The following KIAA1191 variants were observed in gnomAD, a reference collection of about 807,000 sequenced individuals.
KIAA1191 encodes the protein KIAA1191.
In KIAA1191, 22 loss-of-function variants were observed where a neutral mutation model predicts 31.1. The observed-to-expected ratio is 0.71, with a 90% CI of 0.51 to 1.01. KIAA1191 has a LOEUF of 1.01. Among genes scored for constraint, KIAA1191 ranks in the 50% least tolerant of loss-of-function variants. KIAA1191 has a pLI of 0.00. For missense variants in KIAA1191, 319 were observed against 388.0 expected, an observed-to-expected ratio of 0.82 and a Z score of 1.49; for synonymous variants, 130 against 143.9, an observed-to-expected ratio of 0.90 and a Z score of 0.69.
At position 176,359,550 on chromosome 5, in the gene KIAA1191, G is replaced by T. The variant is rs779266262; in HGVS notation, c.-42C>A. On this transcript the variant is annotated 5_prime_UTR_variant, in exon 3 of 9. Transcript: ENST00000298569. ...AGGTGCTTTTTCTATACAGAATTCC[G>T]AGCTGAGTCCCTGCCACCTAATAAA... 9 of 1,521,310 alleles carry T rather than the reference G, an allele frequency of 5.9e-6. No individual in the cohort carries two copies. In the South Asian group the frequency reaches 1.0e-4, roughly 17 times the overall value. The allele number at this position is 1,521,310 out of a possible 1,614,324, so 94.2% of individuals were successfully genotyped here. A position where few individuals can be genotyped will look rare whatever the true frequency, so the allele number is the denominator to read the frequency against.
Position 176,346,369 on chromosome 5 carries a change from T to C in KIAA1191, c.*1231A>G, listed in dbSNP as rs1422635588. 1 of 152,232 alleles carries C rather than the reference T, an allele frequency of 6.6e-6. No homozygotes were observed. Among genetic ancestry groups the C allele is most frequent in the African/African-American group, 2.4e-5 (1 of 41,472 alleles). The allele number at this position is 152,232 out of a possible 1,614,324, so 9.4% of individuals were successfully genotyped here. ...AAAAATGCTTTCATACAGAAAATTT[T>C]GAATTGAGTGACCTCCCCGCACAGG... On this transcript the variant is annotated 3_prime_UTR_variant, in exon 9 of 9. Transcript: ENST00000298569.
At chr5:176,349,422 G>A (rs1223743043) in intron 6 of KIAA1191, among the ~76,000 whole-genome samples, 1 of 152,206 alleles carries the variant, frequency 6.6e-6, no homozygotes, top group Admixed American at 6.5e-5. Context: ...GCTCATACAT[G>A]TAATCCCAGC....
At chr5:176,350,503 G>T in intron 6 of KIAA1191, 110 bp downstream of exon 6, 1 of 1,368,966 alleles carries the variant, frequency 7.3e-7, no homozygotes. Flanking sequence ...TCGGGAGCGA[G>T]ACTAACTCCA....
intron 3 of KIAA1191, among the ~76,000 whole-genome samples, chr5:176,358,010 C>A (rs76613907): frequency 2.0e-5 from 3 of 152,084 alleles, no homozygotes; most frequent in Non-Finnish European, 4.4e-5. Flanking sequence ...TAGGAACCAT[C>A]ATCTTTCTTC....
chr5:176,353,031 C>T (rs992660110), intron 4 of KIAA1191, among the ~76,000 whole-genome samples: 3 of 152,204 alleles, frequency 2.0e-5, no homozygotes, highest in Non-Finnish European at 4.4e-5. Flanking sequence ...TTCCGATATA[C>T]TATAGTACTA....
Position 176,347,627 on chromosome 5 carries a change from C to T in KIAA1191, c.891G>A (p.Leu297=). Residue 297 remains leucine (L), a synonymous_variant, in exon 9 of 9, where the codon CTG becomes CTA. Transcript: ENST00000298569. ...AGAAGCCAGTGGGTGTGAGCACATTCAGGTCACGGGGTTTGAGGTTATGGG... is the reference window on the plus strand; with the variant it reads ...AGAAGCCAGTGGGTGTGAGCACATTTAGGTCACGGGGTTTGAGGTTATGGG... ...PRAHNLKPRD[L]NVLTPTGF is the part of the protein sequence containing the mutation. The T allele has an allele frequency of 6.6e-7, 1 of 1,525,190 alleles. No homozygotes were observed. The highest frequency in any genetic ancestry group is 8.8e-7 in the Non-Finnish European group (1 of 1,138,232). The allele number at this position is 1,525,190 out of a possible 1,614,324, so 94.5% of individuals were successfully genotyped here.
Position 176,352,605 on chromosome 5 carries a change from G to C in KIAA1191, c.334+17C>G, listed in dbSNP as rs201888454. 1.5e-4 allele frequency: 245 copies of C among 1,612,008 alleles called. 2 individuals are homozygous for C. In the South Asian group the frequency reaches 2.3e-3, roughly 15 times the overall value. On this transcript the variant is annotated intron_variant, in intron 5 of 8. Transcript: ENST00000298569. ...CTGCCCCTATGGCACTCTACTCTGAGGGTGAAGAGTGCTTACTTGTGATCA... is the reference window on the plus strand; with the variant it reads ...CTGCCCCTATGGCACTCTACTCTGACGGTGAAGAGTGCTTACTTGTGATCA...
chr5:176,359,782 T>C, intron 2 of KIAA1191, 29 bp downstream of exon 2: 2 of 375,162 alleles, frequency 5.3e-6, no homozygotes, highest in Non-Finnish European at 1.0e-5. Context: ...AGAGCTAAGA[T>C]GCCATACATG....
chr5:176,358,813 G>C (rs555886572), intron 3 of KIAA1191, among the ~76,000 whole-genome samples: 2 of 152,184 alleles, frequency 1.3e-5, no homozygotes, highest in African/African-American at 4.8e-5. Context: ...CGCCGGGCAC[G>C]GTGGCTCACG....
rs1766922291 is a variant in KIAA1191 at position 176,350,714 on chromosome 5, G to A, written c.358C>T (p.His120Tyr). The A allele has an allele frequency of 6.2e-7, 1 of 1,614,046 alleles. No homozygotes were observed. Among genetic ancestry groups the A allele is most frequent in the Admixed American group, 1.7e-5 (1 of 59,994 alleles). ...ITKQTQESIQ[H>Y]FERQAGLRDA... ...CTCAGCCCTGCCTGTCGCTCAAAATGCTGAATGCTTTCCTGGGTCTGTTCT... is the reference window on the plus strand; with the variant it reads ...CTCAGCCCTGCCTGTCGCTCAAAATACTGAATGCTTTCCTGGGTCTGTTCT... Residue 120 changes from histidine (H) to tyrosine (Y), a missense_variant, in exon 6 of 9, where the codon CAT becomes TAT. Coordinates refer to ENST00000298569, the MANE Select transcript of KIAA1191 (RefSeq NM_020444.5).
In KIAA1191 at chr5:176,347,822, C is replaced by T. The variant is rs1242969974; in HGVS notation, c.710-14G>A. 6.2e-7 allele frequency: 1 copy of T among 1,600,974 alleles called. No individual in the cohort carries two copies. The highest frequency in any genetic ancestry group is 8.5e-7 in the Non-Finnish European group (1 of 1,173,342). On this transcript the variant is annotated splice_polypyrimidine_tract_variant and intron_variant, in intron 8 of 8. Transcript: ENST00000298569. ...TGGCAAAACTTCCTACAAAAGTGAA[C>T]CAGAGTGCAAATGATTTCAAAACCA...
chr5:176,347,667 T>C lies in KIAA1191; in HGVS notation c.851A>G (p.Lys284Arg), dbSNP rs1369461974. 1 of 1,578,394 alleles carries C rather than the reference T, an allele frequency of 6.3e-7. No individual in the cohort carries two copies. Among genetic ancestry groups the C allele is most frequent in the South Asian group, 1.2e-5 (1 of 84,286 alleles). The part of the protein sequence containing the change: ...KMDIPVMEGK[K>R]QPPRAHNLKP... ...GAGGTTATGGGCCCGTGGTGGCTGT[T>C]TCTTTCCTTCCATCACTGGGATGTC... Residue 284 changes from lysine (K) to arginine (R), a missense_variant, in exon 9 of 9, where the codon AAA (lysine) becomes AGA (arginine). Transcript: ENST00000298569.
rs1456521649 is a variant in KIAA1191, at chr5:176,350,601, C to G, written c.459+12G>C. ...TGAAGGTTTTGTTTTTTCAAAGTTC[C>G]TAAGAGCTTACGTGGAGTGCTTCGG... On this transcript the variant is annotated intron_variant, in intron 6 of 8. Transcript: ENST00000298569. The G allele has an allele frequency of 6.8e-6, 11 of 1,611,602 alleles. No homozygotes were observed. The highest frequency in any genetic ancestry group is 9.3e-6 in the Non-Finnish European group (11 of 1,179,580).
rs1398157761 is a variant in KIAA1191 at position 176,355,131 on chromosome 5, A to C, written c.207+440T>G. ...GGGGAGCTGGAGAGATGCAGGCAGG[A>C]CTTAGATCACATGGACTGTGGATCA... On this transcript the variant is annotated intron_variant, in intron 4 of 8. Coordinates refer to ENST00000298569, the MANE Select transcript of KIAA1191 (RefSeq NM_020444.5). The surrounding 1 kb of genome is among the most constrained non-coding windows in gnomAD (Gnocchi z 4.2). Among the ~76,000 whole-genome samples the C allele has an allele frequency of 1.3e-5, 2 of 152,090 alleles. No individual in the cohort carries two copies. Among genetic ancestry groups the C allele is most frequent in the Non-Finnish European group, 2.9e-5 (2 of 68,022 alleles).
At chr5:176,356,777 T>C (rs1399390865) in intron 3 of KIAA1191, among the ~76,000 whole-genome samples, 7 of 152,178 alleles carry the variant, frequency 4.6e-5, no homozygotes, top group African/African-American at 1.4e-4. Context: ...GCTAAAATCA[T>C]ATAATAACAC....
In KIAA1191 at chr5:176,359,884, A is replaced by G. The variant is rs148127763; in HGVS notation, c.-133T>C. The stretch of plus-strand genomic sequence containing the variant: ...GAACATGGTCCAGCTGCTGCAAAGT[A>G]GCAAAGCTTCCCAGGAAGAGTCCAT... On this transcript the variant is annotated 5_prime_UTR_variant, in exon 2 of 9. Transcript: ENST00000298569. The G allele has an allele frequency of 2.7e-4, 51 of 191,830 alleles. No homozygotes were observed. The highest frequency in any genetic ancestry group is 1.1e-3 in the African/African-American group (49 of 43,878). The allele number at this position is 191,830 out of a possible 1,614,324, so 11.9% of individuals were successfully genotyped here.
Position 176,348,299 on chromosome 5 carries a change from GGGCTGATGCA to G in KIAA1191, c.507_516del (p.Ala170SerfsTer83). On this transcript the variant is annotated frameshift_variant, in exon 7 of 9. Coordinates refer to ENST00000298569, the MANE Select transcript of KIAA1191 (RefSeq NM_020444.5). LOFTEE classifies it high-confidence loss of function. The stretch of plus-strand genomic sequence containing the variant: ...TGCGGAGTGGTGCTTGGGGTGGACT[GGGCTGATGCA>G]GGCTGCCTCTCTTCTTTTGTTACCT... The G allele has an allele frequency of 6.2e-7, 1 of 1,613,768 alleles. No homozygotes were observed. The highest frequency in any genetic ancestry group is 1.6e-4 in the Middle Eastern group (1 of 6,062).
chr5:176,349,665 CCA>C (rs1206488162), intron 6 of KIAA1191, among the ~76,000 whole-genome samples: 3 of 152,074 alleles, frequency 2.0e-5, no homozygotes, highest in Non-Finnish European at 4.4e-5. Flanking sequence ...TGCAAACAGG[CCA>C]CAGTTTTATA....
At chr5:176,351,264 C>A (rs1289982368) in intron 5 of KIAA1191, among the ~76,000 whole-genome samples, 1 of 151,216 alleles carries the variant, frequency 6.6e-6, no homozygotes, top group Non-Finnish European at 1.5e-5. Context: ...TGGCGTGAAC[C>A]CGGGAGGCGG....
Sources: allele counts gnomAD v4.1 joint callset (sites outside exome capture counted in the v4.1 genomes callset), GRCh38; gene constraint gnomAD v4.1.1; non-coding constraint Gnocchi (gnomAD v3.1); transcripts MANE v1.5; gene names NCBI Gene and HGNC (gene_info 2026-07-23, HGNC 2026-07-21).